The following TJP2 variants were observed in gnomAD, a reference collection of about 807,000 sequenced individuals.
TJP2 encodes the protein tight junction protein 2, also known as Friedreich ataxia region gene X104 (tight junction protein ZO-2).
TJP2 carries 91 observed loss-of-function variants against 133.1 expected under a neutral mutation model. The observed-to-expected ratio is 0.68, with a 90% CI of 0.58 to 0.81. The LOEUF is 0.81. Among genes scored for constraint, TJP2 ranks in the 40% least tolerant of loss-of-function variants. The pLI is 0.00. For synonymous variants in TJP2, 592 were observed against 583.4 expected, an observed-to-expected ratio of 1.01 and a Z score of -0.21; for missense variants, 1,541 against 1,565.6, an observed-to-expected ratio of 0.98 and a Z score of 0.26.
intron 1 of TJP2, among the ~76,000 whole-genome samples, chr9:69,138,631 C>G (rs1033280870): frequency 1.3e-5 from 2 of 151,852 alleles, no homozygotes; most frequent in African/African-American, 4.8e-5. Flanking sequence ...GCCAGGCAGC[C>G]GGGAGGCTGG....
At chr9:69,254,107 C>T (rs888859799) in intron 22 of TJP2, 102 bp from the exon 23 acceptor site, 9 of 1,350,620 alleles carry the variant, frequency 6.7e-6, no homozygotes, top group African/African-American at 2.9e-5. Flanking sequence ...GGTAAGTGAT[C>T]TGCTCGGGAT....
intron 5 of TJP2, 63 bp downstream of exon 5, chr9:69,221,559 A>ATTT: frequency 7.7e-7 from 1 of 1,291,960 alleles, no homozygotes; most frequent in Non-Finnish European, 1.0e-6. Flanking sequence ...TGTTTTCTTA[A>ATTT]TTTTTTTTTT....
intron 14 of TJP2, among the ~76,000 whole-genome samples, chr9:69,237,488 A>G (rs534357089): frequency 6.6e-6 from 1 of 152,302 alleles, no homozygotes; most frequent in African/African-American, 2.4e-5. Context: ...CAATATAGTA[A>G]GACCTCATCT....
Position 69,252,919 on chromosome 9 carries a change from G to T in TJP2, c.3407+19G>T. 1 of 1,612,636 alleles carries T rather than the reference G, an allele frequency of 6.2e-7. No homozygotes were observed. On this transcript the variant is annotated intron_variant, in intron 22 of 22. Coordinates refer to ENST00000377245, the MANE Select transcript of TJP2 (RefSeq NM_004817.4). Reference sequence around the variant, plus strand: ...ACACGAGGTAAGGGCTGCCTAGTGGGTACAGGTCTAAGGCGGGGACTTCTC... The same window carrying T: ...ACACGAGGTAAGGGCTGCCTAGTGGTTACAGGTCTAAGGCGGGGACTTCTC...
intron 1 of TJP2, among the ~76,000 whole-genome samples, chr9:69,181,183 C>T (rs1825470747): frequency 6.6e-6 from 1 of 150,530 alleles, no homozygotes; most frequent in Non-Finnish European, 1.5e-5. Flanking sequence ...GCAGCATTAG[C>T]TGCACCACTG....
intron 10 of TJP2, 125 bp from the exon 11 acceptor site, chr9:69,229,957 A>G: frequency 7.9e-7 from 1 of 1,260,496 alleles, no homozygotes; most frequent in Non-Finnish European, 1.1e-6. Context: ...GAGAAAAATG[A>G]GAGGGCTTTG....
In TJP2 at chr9:69,174,334, G is replaced by C. The variant is rs751289297; in HGVS notation, c.-39G>C. 2.6e-6 allele frequency: 4 copies of C among 1,551,082 alleles called. No homozygotes were observed. In the South Asian group the frequency reaches 4.8e-5, roughly 18 times the overall value. On this transcript the variant is annotated 5_prime_UTR_variant, in exon 1 of 23. Coordinates refer to ENST00000377245, the MANE Select transcript of TJP2 (RefSeq NM_004817.4). The stretch of plus-strand genomic sequence containing the variant: ...GGAGCAGGAGCAGAAGCAGAAGCGG[G>C]GTCCGGAGCTGCGCGCCTACGCGGG...
intron 1 of TJP2, among the ~76,000 whole-genome samples, chr9:69,177,155 T>G (rs1399153985): frequency 6.6e-6 from 1 of 152,210 alleles, no homozygotes; most frequent in Non-Finnish European, 1.5e-5. Context: ...GCCTCATTGA[T>G]TTGACTCTAA....
rs113816166 is a variant in TJP2 at position 69,221,559 on chromosome 9, AT to A, written c.952+74del. On this transcript the variant is annotated intron_variant, in intron 5 of 22. Coordinates refer to ENST00000377245, the MANE Select transcript of TJP2 (RefSeq NM_004817.4). ...GATATGAATAACCTTTGTTTTCTTA[AT>A]TTTTTTTTTTCCCCCGAAAGTGTTG... is the stretch of plus-strand genomic sequence containing the variant. 0.014 allele frequency: 16,564 copies of A among 1,178,876 alleles called. 30 individuals are homozygous for A. The highest frequency in any genetic ancestry group is 0.038 in the African/African-American group (2,440 of 63,742). 73.0% of individuals were successfully genotyped at this position (1,178,876 alleles called of 1,614,324 possible). A position where few individuals can be genotyped will look rare whatever the true frequency, so the allele number is the denominator to read the frequency against.
In TJP2 at chr9:69,189,957, G is replaced by C. The variant is rs1192704664; in HGVS notation, c.60+15525G>C. ...CCCGTCTGTACTAAAAATACAAAAA[G>C]AAATTAGCCGGGTATGGTGGTGGAC... On this transcript the variant is annotated intron_variant, in intron 1 of 22. Coordinates refer to ENST00000377245, the MANE Select transcript of TJP2 (RefSeq NM_004817.4). 2.7e-5 allele frequency among the ~76,000 whole-genome samples: 3 copies of C among 111,496 alleles called. 1 individual carries two copies. Among genetic ancestry groups the C allele is most frequent in the Admixed American group, 2.4e-4 (3 of 12,378 alleles). 73.1% of individuals were successfully genotyped at this position (111,496 alleles called of 152,430 possible).
chr9:69,132,387 G>T (rs1822533748), intron 1 of TJP2, among the ~76,000 whole-genome samples: 1 of 152,194 alleles, frequency 6.6e-6, no homozygotes. Flanking sequence ...TTACCTTTTG[G>T]ATGGGGATGA....
Position 69,234,450 on chromosome 9 carries a change from G to A in TJP2, c.1683G>A (p.Gln561=), listed in dbSNP as rs1168318417. ...TTCCTTCCTAATAGGTGAACACACA[G>A]GATTTCAGAGGATTAGTGCGGGAGG... ...EGDQILKVNT[Q]DFRGLVREDA... The change falls in exon 12 of 23, where the codon CAG becomes CAA. Residue 561 remains glutamine, a synonymous_variant. Coordinates refer to ENST00000377245, the MANE Select transcript of TJP2 (RefSeq NM_004817.4). The A allele has an allele frequency of 1.3e-6, 2 of 1,599,212 alleles. No individual in the cohort carries two copies. The highest frequency in any genetic ancestry group is 8.5e-7 in the Non-Finnish European group (1 of 1,174,248).
At chr9:69,229,947 G>A in intron 10 of TJP2, 135 bp from the exon 11 acceptor site, 1 of 1,142,036 alleles carries the variant, frequency 8.8e-7, no homozygotes, top group Non-Finnish European at 1.3e-6. Flanking sequence ...TGAGATAGAT[G>A]AGAAAAATGA....
chr9:69,207,979 C>G (rs933166883), intron 1 of TJP2, among the ~76,000 whole-genome samples: 7 of 152,182 alleles, frequency 4.6e-5, no homozygotes, highest in Non-Finnish European at 1.0e-4. Flanking sequence ...GTAAGCTGCC[C>G]AAGGGCTTTG....
At chr9:69,206,031 C>T (rs1827376258) in intron 1 of TJP2, among the ~76,000 whole-genome samples, 1 of 152,028 alleles carries the variant, frequency 6.6e-6, no homozygotes, top group Non-Finnish European at 1.5e-5. Flanking sequence ...TAGTTCCTTT[C>T]TCTTCTTTTG....
At chr9:69,241,347 G>T (rs894300240) in intron 17 of TJP2, among the ~76,000 whole-genome samples, 7 of 152,156 alleles carry the variant, frequency 4.6e-5, no homozygotes, top group African/African-American at 1.4e-4. Flanking sequence ...GGCAACACGA[G>T]GAGACTGCAA....
At chr9:69,150,847 T>G (rs1823438737) in intron 1 of TJP2, among the ~76,000 whole-genome samples, 1 of 151,748 alleles carries the variant, frequency 6.6e-6, no homozygotes, top group African/African-American at 2.4e-5. Flanking sequence ...GACCAAAGAG[T>G]AGAAACAACC....
intron 1 of TJP2, among the ~76,000 whole-genome samples, chr9:69,198,511 A>G (rs1826760941): frequency 6.6e-6 from 1 of 152,230 alleles, no homozygotes. Flanking sequence ...ATAAAGGAGA[A>G]TGTGGTTAAA....
intron 17 of TJP2, 60 bp downstream of exon 17, chr9:69,240,207 T>C (rs1237817533): frequency 1.4e-6 from 2 of 1,384,092 alleles, no homozygotes; most frequent in Non-Finnish European, 2.0e-6. Flanking sequence ...AATTGAAGAG[T>C]AGAAGAAATA....
Sources: gnomAD v4.1 joint callset for allele counts (sites outside exome capture counted in the v4.1 genomes callset) on GRCh38, gnomAD v4.1.1 for gene constraint, MANE v1.5 for transcripts, NCBI Gene and HGNC (gene_info 2026-07-23, HGNC 2026-07-21) for gene names.